The following MAP3K7 variants were observed in gnomAD, a reference collection of about 807,000 sequenced individuals.
MAP3K7 encodes the protein mitogen-activated protein kinase kinase kinase 7, also known as TGF-beta activated kinase 1.
MAP3K7 carries 21 observed loss-of-function variants against 84.8 expected under a neutral mutation model. The observed-to-expected ratio is 0.25, with a 90% CI of 0.18 to 0.36. The LOEUF (loss-of-function observed/expected upper bound fraction) is 0.36, where lower values mean the gene tolerates loss of function less well. Among genes scored for constraint, MAP3K7 ranks in the 10% least tolerant of loss-of-function variants. The probability of loss-of-function intolerance (pLI) is 1.00; values close to 1 mark genes in which losing one functional copy is unlikely to be tolerated. For synonymous variants in MAP3K7, 241 were observed against 247.7 expected, an observed-to-expected ratio of 0.97 and a Z score of 0.25; for missense variants, 503 against 747.7, an observed-to-expected ratio of 0.67 and a Z score of 3.82.
intron 3 of MAP3K7, among the ~76,000 whole-genome samples, chr6:90,566,309 A>C (rs368358778): frequency 1.4e-4 from 22 of 152,336 alleles, no homozygotes; most frequent in African/African-American, 4.6e-4. Flanking sequence ...ATATTTAGAA[A>C]ACCCCATTGT....
chr6:90,516,715 T>C, intron 16 of MAP3K7, 34 bp from the exon 17 acceptor site: 1 of 1,534,144 alleles, frequency 6.5e-7, no homozygotes, highest in Non-Finnish European at 8.8e-7. Flanking sequence ...TTACACATGA[T>C]GGAAAAATTC....
At chr6:90,570,848 A>T (rs1776877847) in intron 2 of MAP3K7, among the ~76,000 whole-genome samples, 1 of 152,206 alleles carries the variant, frequency 6.6e-6, no homozygotes, top group Non-Finnish European at 1.5e-5. Context: ...TGCATAAAAC[A>T]AAGCTGAGGC....
chr6:90,546,203 T>C, intron 11 of MAP3K7, among the ~76,000 whole-genome samples: 1 of 152,162 alleles, frequency 6.6e-6, no homozygotes, highest in East Asian at 1.9e-4. Context: ...ATGATCATGA[T>C]TAGTTGAAGA....
chr6:90,572,722 G>T (rs1776948238), intron 1 of MAP3K7, among the ~76,000 whole-genome samples: 1 of 151,970 alleles, frequency 6.6e-6, no homozygotes, highest in African/African-American at 2.4e-5. Context: ...TAAAAATAAA[G>T]ATCAGACATG....
intron 13 of MAP3K7, among the ~76,000 whole-genome samples, chr6:90,526,903 A>G (rs1337107053): frequency 6.6e-6 from 1 of 152,134 alleles, no homozygotes; most frequent in Non-Finnish European, 1.5e-5. Flanking sequence ...AGTAAAAATC[A>G]ATATGTAAGG....
intron 8 of MAP3K7, chr6:90,551,834 C>G (rs1686411572): frequency 7.0e-6 from 3 of 430,762 alleles, no homozygotes; most frequent in Non-Finnish European, 1.2e-5. Flanking sequence ...AGTCTAGAAA[C>G]CTAGTCTAGC....
intron 5 of MAP3K7, 63 bp downstream of exon 5, chr6:90,560,013 G>T (rs753115735): frequency 3.2e-6 from 5 of 1,583,980 alleles, no homozygotes; most frequent in Admixed American, 1.7e-5. Flanking sequence ...GAGTGGGTTC[G>T]GGGTGGTGAG....
chr6:90,560,234 A>C lies in MAP3K7; in HGVS notation c.344-20T>G. On this transcript the variant is annotated intron_variant, in intron 4 of 16. Coordinates refer to ENST00000369329, the MANE Select transcript of MAP3K7 (RefSeq NM_145331.3). ...GCAGCACTGCGAAAGAAAGGCACAA[A>C]CTAAAAAGAACTTTATTGCATATAA... 3.1e-6 allele frequency: 5 copies of C among 1,613,796 alleles called. No homozygotes were observed. Among genetic ancestry groups the C allele is most frequent in the Non-Finnish European group, 3.4e-6 (4 of 1,179,870 alleles).
At chr6:90,518,406 T>C in intron 16 of MAP3K7, 41 bp downstream of exon 16, 3 of 1,035,846 alleles carry the variant, frequency 2.9e-6, no homozygotes, top group Non-Finnish European at 4.3e-6. Context: ...AAACTCAAAA[T>C]ACTAATGTAT....
In MAP3K7 at chr6:90,578,280, TTTG is replaced by T. The variant is rs754169473; in HGVS notation, c.121-6476_121-6474del. 9.2e-5 allele frequency among the ~76,000 whole-genome samples: 14 copies of T among 152,250 alleles called. 1 individual carries two copies. The highest frequency in any genetic ancestry group is 7.2e-4 in the Admixed American group (11 of 15,300). ...CAGGAGTTTGTTTTGTTTTGTTTTGTTTGTTTTTTTGAGACAGGGTCTCACTCT... is the reference window on the plus strand; with the variant it reads ...CAGGAGTTTGTTTTGTTTTGTTTTGTTTTTTTTGAGACAGGGTCTCACTCT... On this transcript the variant is annotated intron_variant, in intron 1 of 16. Coordinates refer to ENST00000369329, the MANE Select transcript of MAP3K7 (RefSeq NM_145331.3).
In MAP3K7 at chr6:90,572,536, G is replaced by A. The variant is rs117639989; in HGVS notation, c.121-729C>T. The stretch of plus-strand genomic sequence containing the variant: ...GAAAATTAGAATTAACAGTAAATGA[G>A]TAGCTGGTATCCTGACAAAGTGATG... On this transcript the variant is annotated intron_variant, in intron 1 of 16. Transcript: ENST00000369329. Among the ~76,000 whole-genome samples the A allele has an allele frequency of 1.3e-4, 19 of 151,366 alleles. 1 individual carries two copies. In the East Asian group the frequency reaches 3.7e-3, roughly 29 times the overall value.
At chr6:90,566,849 T>A (rs1370402498) in intron 3 of MAP3K7, among the ~76,000 whole-genome samples, 2 of 152,124 alleles carry the variant, frequency 1.3e-5, no homozygotes, top group African/African-American at 2.4e-5. Context: ...AGCACGGTAC[T>A]GGTACCAAAA....
intron 8 of MAP3K7, chr6:90,551,215 T>C (rs1456957554): frequency 2.0e-5 from 3 of 152,146 alleles, no homozygotes; most frequent in Admixed American, 6.5e-5. Context: ...AAACTTTTAG[T>C]AGATTAGTTC....
intron 13 of MAP3K7, among the ~76,000 whole-genome samples, chr6:90,526,996 C>A (rs1276085469): frequency 1.6e-4 from 24 of 152,048 alleles, no homozygotes; most frequent in Non-Finnish European, 2.9e-5. Flanking sequence ...GTCAAAATTT[C>A]TAAAAATTAT....
At chr6:90,553,294 G>A (rs555591090) in intron 7 of MAP3K7, among the ~76,000 whole-genome samples, 164 bp downstream of exon 7, 1 of 152,178 alleles carries the variant, frequency 6.6e-6, no homozygotes, top group East Asian at 1.9e-4. Flanking sequence ...TGGACTCTGG[G>A]GCAGGGACAG....
chr6:90,536,827 T>C (rs1179256078), intron 12 of MAP3K7: 1 of 161,676 alleles, frequency 6.2e-6, no homozygotes, highest in East Asian at 1.8e-4. Flanking sequence ...TGACTTTAAC[T>C]GGCAGCAATA....
chr6:90,575,730 C>G lies in MAP3K7; in HGVS notation c.121-3923G>C, dbSNP rs116024873. On this transcript the variant is annotated intron_variant, in intron 1 of 16. Coordinates refer to ENST00000369329, the MANE Select transcript of MAP3K7 (RefSeq NM_145331.3). ...CTGGGTTTCAGAGGATTAATGAAAGCCAAGGGGAAGGCCTGGTCAGCAAGC... is the reference window on the plus strand; with the variant it reads ...CTGGGTTTCAGAGGATTAATGAAAGGCAAGGGGAAGGCCTGGTCAGCAAGC... Among the ~76,000 whole-genome samples, 733 of 152,080 alleles carry G rather than the reference C, an allele frequency of 4.8e-3. 10 individuals are homozygous for G. The highest frequency in any genetic ancestry group is 0.017 in the African/African-American group (706 of 41,492).
intron 3 of MAP3K7, among the ~76,000 whole-genome samples, chr6:90,565,704 C>G (rs1247724817): frequency 1.3e-5 from 2 of 152,218 alleles, no homozygotes; most frequent in Non-Finnish European, 2.9e-5. Flanking sequence ...TCCTCCCTAA[C>G]TCATTTTATG....
intron 9 of MAP3K7, among the ~76,000 whole-genome samples, chr6:90,549,833 TA>T (rs1293366982): frequency 2.0e-5 from 3 of 152,100 alleles, no homozygotes; most frequent in Non-Finnish European, 4.4e-5. Flanking sequence ...GTGGGAGAAA[TA>T]GATCAGTAAA....
Sources: allele counts gnomAD v4.1 joint callset (sites outside exome capture counted in the v4.1 genomes callset), GRCh38; gene constraint gnomAD v4.1.1; transcripts MANE v1.5; gene names NCBI Gene and HGNC (gene_info 2026-07-23, HGNC 2026-07-21).